MPO: variants seen among roughly 807,000 people sequenced by gnomAD.
MPO encodes myeloperoxidase.
MPO carries 57 observed loss-of-function variants against 69.4 expected under a neutral mutation model. The ratio of observed to expected loss-of-function variants is 0.82; its 90% confidence interval spans 0.66 to 1.02. The LOEUF is 1.02. Among genes scored for constraint, MPO ranks in the 50% least tolerant of loss-of-function variants. MPO has a pLI of 0.00. For missense variants in MPO, 971 were observed against 1,014.1 expected (o/e 0.96, Z 0.58); for synonymous variants, 426 against 417.1 (o/e 1.02, Z -0.26).
chr17:58,278,084 C>A lies in MPO; in HGVS notation c.947G>T (p.Cys316Phe). 1.2e-6 allele frequency: 2 copies of A among 1,610,432 alleles called. No individual in the cohort carries two copies. The highest frequency in any genetic ancestry group is 4.5e-5 in the East Asian group (2 of 44,880). ...GATGTTGCTCCCGGGGCAAGCCGGG[C>A]AGGAGCGGAAGAACGGGATGCAGTC... Reference protein sequence around the residue: ...QADCIPFFRSCPACPGSNITI... With the variant: ...QADCIPFFRSFPACPGSNITI... Residue 316 changes from cysteine to phenylalanine, a missense_variant, in exon 7 of 12, where the codon TGC becomes TTC. By Grantham distance (205) the Cys-to-Phe change is radical. Transcript: ENST00000225275.
intron 2 of MPO, 116 bp from the exon 3 acceptor site, chr17:58,280,130 G>A (rs1172982581): frequency 3.6e-6 from 5 of 1,381,638 alleles, no homozygotes; most frequent in Non-Finnish European, 4.0e-6. Flanking sequence ...GTGGGAGGAA[G>A]GCTTCCTTTT....
At chr17:58,279,701 C>G (rs768684326) in intron 3 of MPO, 55 bp from the exon 4 acceptor site, 2 of 1,613,698 alleles carry the variant, frequency 1.2e-6, no homozygotes, top group East Asian at 2.2e-5. Context: ...CTATCCCAGG[C>G]AACCTGAGGC....
intron 7 of MPO, chr17:58,277,620 G>A (rs759356656): frequency 5.7e-5 from 40 of 707,378 alleles, no homozygotes; most frequent in Non-Finnish European, 9.1e-5. Flanking sequence ...CCATCTTAGG[G>A]TTGGAGAGGT....
rs773210212 is a variant in MPO at position 58,279,636 on chromosome 17, C to CGTCA, written c.431_434dup (p.Pro146AspfsTer60). 1.9e-6 allele frequency: 3 copies of CGTCA among 1,614,086 alleles called. No homozygotes were observed. Among genetic ancestry groups the CGTCA allele is most frequent in the Non-Finnish European group, 2.5e-6 (3 of 1,180,042 alleles). On this transcript the variant is annotated frameshift_variant, in exon 4 of 12. Coordinates refer to ENST00000225275, the MANE Select transcript of MPO (RefSeq NM_000250.2). LOFTEE classifies it high-confidence loss of function. ...TGGACAACACATTCAGCTGGGCGGG[C>CGTCA]GTCAGCACATCTGCCGGGGGAAAGA...
At position 58,280,229 on chromosome 17, in the gene MPO, G is replaced by A. The variant is rs1481925629; in HGVS notation, c.248+137C>T. ...GCTGTTCTCCCATCCAGAAACACAG[G>A]GACAGACAGACAGAAAGGGAGTCCA... is the stretch of plus-strand genomic sequence containing the variant. On this transcript the variant is annotated intron_variant, in intron 2 of 11. Transcript: ENST00000225275. The A allele has an allele frequency of 2.1e-5, 22 of 1,054,284 alleles. No individual in the cohort carries two copies. In the Admixed American group the frequency reaches 3.9e-4, roughly 18 times the overall value. 65.3% of individuals were successfully genotyped at this position (1,054,284 alleles called of 1,614,324 possible).
rs201665513 is a variant in MPO at position 58,273,424 on chromosome 17, G to A, written c.1611C>T (p.Val537=). 21 of 1,614,104 alleles carry A rather than the reference G, an allele frequency of 1.3e-5. No homozygotes were observed. Among genetic ancestry groups the A allele is most frequent in the East Asian group, 6.7e-5 (3 of 44,866 alleles). ...LSRVFFASWR[V]VLEGGIDPIL... The stretch of plus-strand genomic sequence containing the variant: ...CTAGGTCCTGCTTACCTTCCAGCAC[G>A]ACCCTCCAGGAGGCAAAAAAGACCC... Residue 537 remains valine, a synonymous_variant, in exon 9 of 12, where the codon GTC becomes GTT. Transcript: ENST00000225275.
chr17:58,272,678 G>C (rs979180081), intron 10 of MPO, 70 bp downstream of exon 10: 8 of 1,552,402 alleles, frequency 5.2e-6, no homozygotes, highest in Non-Finnish European at 6.1e-6. Context: ...AGTGGGAAGG[G>C]GGGTGATGGG....
At chr17:58,279,265 G>A (rs555410677) in intron 5 of MPO, 32 bp downstream of exon 5, 13 of 1,564,330 alleles carry the variant, frequency 8.3e-6, no homozygotes, top group South Asian at 8.1e-5. Flanking sequence ...CCGCGTGGCC[G>A]GGCCTCGCCC....
rs753633290 is a variant in MPO at position 58,273,417 on chromosome 17, C to A, written c.1618G>T (p.Glu540Ter). Reference sequence around the variant, plus strand: ...TCCTGGCCTAGGTCCTGCTTACCTTCCAGCACGACCCTCCAGGAGGCAAAA... The same window carrying A: ...TCCTGGCCTAGGTCCTGCTTACCTTACAGCACGACCCTCCAGGAGGCAAAA... ...VFFASWRVVL[E>*]GGIDPILRGL... is the part of the protein sequence containing the mutation. The change falls in exon 9 of 12, where the codon GAA becomes TAA. Residue 540 changes from glutamate to a stop codon, truncating the protein, a stop_gained. Transcript: ENST00000225275. LOFTEE classifies it high-confidence loss of function. 1 of 1,614,170 alleles carries A rather than the reference C, an allele frequency of 6.2e-7. No individual in the cohort carries two copies. The highest frequency in any genetic ancestry group is 8.5e-7 in the Non-Finnish European group (1 of 1,180,028).
rs1270932009 is a variant in MPO, at chr17:58,270,497, T to C, written c.*159A>G. 1.4e-6 allele frequency: 1 copy of C among 710,412 alleles called. No homozygotes were observed. Among genetic ancestry groups the C allele is most frequent in the South Asian group, 1.5e-5 (1 of 64,978 alleles). 44.0% of individuals were successfully genotyped at this position (710,412 alleles called of 1,614,324 possible). A position where few individuals can be genotyped will look rare whatever the true frequency, so the allele number is the denominator to read the frequency against. On this transcript the variant is annotated 3_prime_UTR_variant, in exon 12 of 12. Coordinates refer to ENST00000225275, the MANE Select transcript of MPO (RefSeq NM_000250.2). This position sits in a 1 kb window ranked among gnomAD's most constrained non-coding sequence, Gnocchi z 4.1. ...CACACGCATGAAAAGCCAATTTATA[T>C]ACTTCGCACATACATGAGCACACAA...
chr17:58,280,363 CA>C lies in MPO; in HGVS notation c.248+2del. The C allele has an allele frequency of 6.2e-7, 1 of 1,613,848 alleles. No individual in the cohort carries two copies. Among genetic ancestry groups the C allele is most frequent in the Non-Finnish European group, 8.5e-7 (1 of 1,179,846 alleles). ...CAGAGCTGGGCAGTGCCTCGTGCCC[CA>C]CCTTTCCCGCCGCTCCTTGTAGGCC... On this transcript the variant is annotated splice_donor_variant, in intron 2 of 11. Transcript: ENST00000225275. LOFTEE classifies it high-confidence loss of function.
intron 1 of MPO, 29 bp from the exon 2 acceptor site, chr17:58,280,488 G>A: frequency 6.2e-7 from 1 of 1,613,640 alleles, no homozygotes; most frequent in Non-Finnish European, 8.5e-7. Context: ...ACAAAGTCAG[G>A]AATGGGCCCC....
At chr17:58,273,801 G>T in intron 8 of MPO, 132 bp from the exon 9 acceptor site, 1 of 1,261,280 alleles carries the variant, frequency 7.9e-7, no homozygotes, top group Non-Finnish European at 1.1e-6. Flanking sequence ...TATGGTCAGG[G>T]AATAGCCTCC....
In MPO at chr17:58,271,656, G is replaced by A. The variant is rs762307268; in HGVS notation, c.2029C>T (p.Arg677Trp). ...CCCACGACGCCTGCCCCTCCTCACC[G>A]ATCACCATCCCGGAGCTTCCTGAAC... ...TQFRKLRDGDRFWWENEGVFS... is the reference protein window; with the variant it reads ...TQFRKLRDGDWFWWENEGVFS... The change falls in exon 11 of 12, where the codon CGG becomes TGG. Residue 677 changes from arginine to tryptophan, a missense_variant and splice_region_variant. Coordinates refer to ENST00000225275, the MANE Select transcript of MPO (RefSeq NM_000250.2). 11 of 1,613,532 alleles carry A rather than the reference G, an allele frequency of 6.8e-6. No individual in the cohort carries two copies. The highest frequency in any genetic ancestry group is 3.3e-5 in the Admixed American group (2 of 60,004).
In MPO at chr17:58,275,746, C is replaced by G; in HGVS notation, c.1205-44G>C. ...ACTGTCATTCTTAAGGCCTCCATCCCAGAAAAGATTTGCTCCACTGAAACC... is the reference window on the plus strand; with the variant it reads ...ACTGTCATTCTTAAGGCCTCCATCCGAGAAAAGATTTGCTCCACTGAAACC... On this transcript the variant is annotated intron_variant, in intron 7 of 11. Transcript: ENST00000225275. This position sits in a 1 kb window ranked among gnomAD's most constrained non-coding sequence, Gnocchi z 4.1. 6.2e-7 allele frequency: 1 copy of G among 1,611,668 alleles called. No individual in the cohort carries two copies.
chr17:58,278,858 G>T, intron 6 of MPO, 150 bp downstream of exon 6: 1 of 973,708 alleles, frequency 1.0e-6, no homozygotes, highest in Non-Finnish European at 1.6e-6. Flanking sequence ...ACAGGTCATA[G>T]CTGAGCAGCC....
rs1400859820 is a variant in MPO at position 58,279,218 on chromosome 17, C to T, written c.679-4G>A. The T allele has an allele frequency of 1.9e-6, 3 of 1,597,262 alleles. No individual in the cohort carries two copies. Among genetic ancestry groups the T allele is most frequent in the South Asian group, 2.3e-5 (2 of 88,820 alleles). On this transcript the variant is annotated splice_polypyrimidine_tract_variant and splice_region_variant and intron_variant, in intron 5 of 11. Transcript: ENST00000225275. ...TCTCGTTGGAGACCGCGCGAGCCTGCGGGACACGGAGATCAGCTGGCGCCT... is the reference window on the plus strand; with the variant it reads ...TCTCGTTGGAGACCGCGCGAGCCTGTGGGACACGGAGATCAGCTGGCGCCT...
At chr17:58,274,128 T>G in intron 8 of MPO, 1 of 478,314 alleles carries the variant, frequency 2.1e-6, no homozygotes, top group Non-Finnish European at 4.2e-6. Flanking sequence ...CTGCCCACAG[T>G]AAGGCTCAGT....
rs1185370254 is a variant in MPO at position 58,280,169 on chromosome 17, G to A, written c.249-155C>T. 9 of 1,090,274 alleles carry A rather than the reference G, an allele frequency of 8.3e-6. No individual in the cohort carries two copies. In the East Asian group the frequency reaches 2.0e-4, roughly 24 times the overall value. The allele number at this position is 1,090,274 out of a possible 1,614,324, so 67.5% of individuals were successfully genotyped here. ...AAAAGGATATGGACCTGGGTGTCCA[G>A]ACAGAGGCAAGGCTTTGGGAAGGAT... On this transcript the variant is annotated intron_variant, in intron 2 of 11. Coordinates refer to ENST00000225275, the MANE Select transcript of MPO (RefSeq NM_000250.2).
Sources: gnomAD v4.1 joint callset for allele counts on GRCh38, gnomAD v4.1.1 for gene constraint, Gnocchi (gnomAD v3.1) non-coding constraint, MANE v1.5 for transcripts, NCBI Gene and HGNC (gene_info 2026-07-23, HGNC 2026-07-21) for gene names.